IL6R: variants seen among roughly 807,000 people sequenced by gnomAD.
The protein encoded by IL6R is interleukin 6 receptor, also known as interleukin-6 receptor subunit alpha.
A neutral mutation model predicts 48.3 loss-of-function variants in IL6R; 38 were observed. The ratio of observed to expected loss-of-function variants is 0.79; its 90% CI spans 0.61 to 1.03. The LOEUF (loss-of-function observed/expected upper bound fraction) is 1.03. IL6R is among the 50% of genes least tolerant of loss of function. The probability of loss-of-function intolerance (pLI) is 0.00; values close to 1 mark genes in which losing one functional copy is unlikely to be tolerated. For synonymous variants in IL6R, 264 were observed against 256.2 expected, an observed-to-expected ratio of 1.03 and a Z score of -0.29; for missense variants, 534 against 618.3, an observed-to-expected ratio of 0.86 and a Z score of 1.45.
intron 3 of IL6R, among the ~76,000 whole-genome samples, chr1:154,432,194 G>T (rs1291341491): frequency 2.0e-5 from 3 of 152,146 alleles, no homozygotes; most frequent in Admixed American, 1.3e-4. Context: ...GTCAGCTCAT[G>T]CCCCAAGCCT....
rs1189122203 is a variant in IL6R at position 154,405,460 on chromosome 1, GGACTCGCAGTGTGT to G, written c.-168_-155del. The G allele has an allele frequency of 5.1e-6, 3 of 584,124 alleles. No individual in the cohort carries two copies. 36.2% of individuals were successfully genotyped at this position (584,124 alleles called of 1,614,324 possible). ...GAGCCGAGCGCGGCGCGGGGCCGAG[GGACTCGCAGTGTGT>G]GTAGAGAGCCGGGCTCCTGCGGATG... On this transcript the variant is annotated 5_prime_UTR_variant, in exon 1 of 10. An upstream open reading frame in the 5' UTR loses its in-frame stop. Transcript: ENST00000368485. This position sits in a 1 kb window ranked among gnomAD's most constrained non-coding sequence, Gnocchi z 5.2.
intron 6 of IL6R, among the ~76,000 whole-genome samples, chr1:154,437,044 C>G (rs55826755): frequency 0.13 from 19,557 of 152,150 alleles, 1,447 homozygotes; most frequent in South Asian, 0.18. Context: ...TAGTAACTGC[C>G]TGATTAATAC....
chr1:154,434,116 T>C lies in IL6R; in HGVS notation c.459-403T>C, dbSNP rs181935207. ...GGGAGGCTGAGGCGGGCAGATCACC[T>C]GAGGTCAGCAGTTCGAGACCAGCCT... On this transcript the variant is annotated intron_variant, in intron 3 of 9. Coordinates refer to ENST00000368485, the MANE Select transcript of IL6R (RefSeq NM_000565.4). Among the ~76,000 whole-genome samples the C allele has an allele frequency of 5.4e-3, 826 of 151,922 alleles. 13 individuals are homozygous for C. The highest frequency in any genetic ancestry group is 0.019 in the African/African-American group (784 of 41,466).
At position 154,454,594 on chromosome 1, in the gene IL6R, C is replaced by T; in HGVS notation, c.1160+13C>T. On this transcript the variant is annotated intron_variant, in intron 9 of 9. Coordinates refer to ENST00000368485, the MANE Select transcript of IL6R (RefSeq NM_000565.4). ...CCATTGTTCTGAGGTGAGATGGGTCCCAGGGGATGGCCCTGTGGTGTTCTC... is the reference window on the plus strand; with the variant it reads ...CCATTGTTCTGAGGTGAGATGGGTCTCAGGGGATGGCCCTGTGGTGTTCTC... 1 of 1,572,346 alleles carries T rather than the reference C, an allele frequency of 6.4e-7. No homozygotes were observed.
Position 154,465,644 on chromosome 1 carries a change from T to C in IL6R, c.*264T>C. On this transcript the variant is annotated 3_prime_UTR_variant, in exon 10 of 10. Coordinates refer to ENST00000368485, the MANE Select transcript of IL6R (RefSeq NM_000565.4). The stretch of plus-strand genomic sequence containing the variant: ...TTGGGCCACTGTGAAGAGAACCATA[T>C]CAAGACTCTTTGGACACTCACACGG... The C allele has an allele frequency of 2.0e-6, 1 of 491,738 alleles. No individual in the cohort carries two copies. Among genetic ancestry groups the C allele is most frequent in the Non-Finnish European group, 3.7e-6 (1 of 269,248 alleles). The allele number at this position is 491,738 out of a possible 1,614,324, so 30.5% of individuals were successfully genotyped here. A position where few individuals can be genotyped will look rare whatever the true frequency, so the allele number is the denominator to read the frequency against.
At chr1:154,454,046 C>CA (rs1402532255) in intron 8 of IL6R, 1 of 180,020 alleles carries the variant, frequency 5.6e-6, no homozygotes, top group Non-Finnish European at 1.2e-5. Context: ...TTAAAGCATC[C>CA]AATCCTCTCT....
rs1691499049 is a variant in IL6R, at chr1:154,465,271, C to A, written c.1298C>A (p.Ser433Tyr). The A allele has an allele frequency of 2.5e-6, 4 of 1,614,040 alleles. No homozygotes were observed. The Admixed American group carries it at 5.0e-5, about 20-fold the overall frequency. ...GTTCCTCTCATCTCCCCACCGGTGT[C>A]CCCCAGCAGCCTGGGGTCTGACAAT... ...VLVPLISPPV[S>Y]PSSLGSDNTS... The change falls in exon 10 of 10, where the codon TCC becomes TAC. Residue 433 changes from serine to tyrosine, a missense_variant. Ser to Tyr is a moderately radical substitution (Grantham distance 144). Coordinates refer to ENST00000368485, the MANE Select transcript of IL6R (RefSeq NM_000565.4).
In IL6R at chr1:154,407,182, T is replaced by C. The variant is rs189523126; in HGVS notation, c.85+1468T>C. 2.5e-3 allele frequency among the ~76,000 whole-genome samples: 381 copies of C among 152,264 alleles called. 1 individual carries two copies. The highest frequency in any genetic ancestry group is 8.6e-3 in the African/African-American group (357 of 41,546). On this transcript the variant is annotated intron_variant, in intron 1 of 9. Transcript: ENST00000368485. The stretch of plus-strand genomic sequence containing the variant: ...GGAAGTGGAGGCCCAGGCTTGCCCA[T>C]GGTGGTGTTAGAGGGATGCAAGACA...
At chr1:154,436,700 C>T (rs947627737) in intron 6 of IL6R, among the ~76,000 whole-genome samples, 11 of 152,178 alleles carry the variant, frequency 7.2e-5, no homozygotes, top group African/African-American at 2.7e-4. Flanking sequence ...CCTCAGCTGC[C>T]AGCCCAGACT....
chr1:154,418,076 G>T (rs1021797704), intron 1 of IL6R, among the ~76,000 whole-genome samples: 1 of 151,804 alleles, frequency 6.6e-6, no homozygotes, highest in South Asian at 2.1e-4. Flanking sequence ...CACCATTTTG[G>T]CTAGGCTGGT....
At chr1:154,447,961 ATCCTCCCAAAG>A (rs1690367139) in intron 6 of IL6R, among the ~76,000 whole-genome samples, 153 bp from the exon 7 acceptor site, 1 of 152,046 alleles carries the variant, frequency 6.6e-6, no homozygotes, top group African/African-American at 2.4e-5. Context: ...TGATCTACCC[ATCCTCCCAAAG>A]TGCTGGGATG....
chr1:154,419,708 G>A (rs942475944), intron 1 of IL6R, among the ~76,000 whole-genome samples: 2 of 152,206 alleles, frequency 1.3e-5, no homozygotes, highest in Admixed American at 6.5e-5. Context: ...TTACATAAAC[G>A]GGGCCAGGAA....
chr1:154,448,383 G>T (rs2149261817), intron 7 of IL6R, among the ~76,000 whole-genome samples: 1 of 152,352 alleles, frequency 6.6e-6, no homozygotes, highest in South Asian at 2.1e-4. Context: ...GCGCTGGCCT[G>T]GCGTGCAGAA....
At chr1:154,455,621 A>G (rs1247309659) in intron 9 of IL6R, among the ~76,000 whole-genome samples, 2 of 150,396 alleles carry the variant, frequency 1.3e-5, no homozygotes, top group African/African-American at 4.9e-5. Flanking sequence ...CCCGGCTAAT[A>G]TTTTGTGTTT....
chr1:154,465,231 C>A lies in IL6R; in HGVS notation c.1258C>A (p.Pro420Thr), dbSNP rs376291841. Reference sequence around the variant, plus strand: ...GCAGCTGGTCCCGGAGAGGCCTCGACCCACCCCAGTGCTTGTTCCTCTCAT... The same window carrying A: ...GCAGCTGGTCCCGGAGAGGCCTCGAACCACCCCAGTGCTTGTTCCTCTCAT... ...LGQLVPERPR[P>T]TPVLVPLISP... The change falls in exon 10 of 10, where the codon CCC (proline) becomes ACC (threonine). Residue 420 changes from proline to threonine, a missense_variant. Coordinates refer to ENST00000368485, the MANE Select transcript of IL6R (RefSeq NM_000565.4). 1 of 1,614,058 alleles carries A rather than the reference C, an allele frequency of 6.2e-7. No homozygotes were observed. Among genetic ancestry groups the A allele is most frequent in the East Asian group, 2.2e-5 (1 of 44,896 alleles).
At chr1:154,406,030 C>T (rs1687691671) in intron 1 of IL6R, among the ~76,000 whole-genome samples, 1 of 152,170 alleles carries the variant, frequency 6.6e-6, no homozygotes, top group Non-Finnish European at 1.5e-5. Context: ...CCAGTGCCCC[C>T]AGGAGCCTTT....
chr1:154,449,798 G>A, intron 7 of IL6R, 113 bp from the exon 8 acceptor site: 1 of 741,730 alleles, frequency 1.3e-6, no homozygotes, highest in Non-Finnish European at 2.5e-6. Flanking sequence ...ATGGAGAAAG[G>A]AATGCTTTGG....
chr1:154,434,829 C>T, intron 4 of IL6R, 129 bp downstream of exon 4: 1 of 1,201,726 alleles, frequency 8.3e-7, no homozygotes, highest in Non-Finnish European at 1.2e-6. Flanking sequence ...TTGGGCGTTG[C>T]TTGCCGGGAG....
At chr1:154,459,899 G>A (rs868261747) in intron 9 of IL6R, among the ~76,000 whole-genome samples, 3 of 152,020 alleles carry the variant, frequency 2.0e-5, no homozygotes, top group East Asian at 3.9e-4. Flanking sequence ...ACATCATTTC[G>A]TTTTGAATGT....
Sources: allele counts gnomAD v4.1 joint callset (sites outside exome capture counted in the v4.1 genomes callset), GRCh38; gene constraint gnomAD v4.1.1; non-coding constraint Gnocchi (gnomAD v3.1); transcripts MANE v1.5; gene names NCBI Gene and HGNC (gene_info 2026-07-23, HGNC 2026-07-21).